Variants in PALLD observed in about 807,000 individuals in gnomAD.
PALLD encodes palladin.
PALLD carries 61 observed loss-of-function variants against 123.5 expected under a neutral mutation model. The observed-to-expected ratio is 0.49, with a 90% confidence interval of 0.40 to 0.61. PALLD has a LOEUF of 0.61. Ranked by LOEUF, PALLD falls within the 20% of genes least tolerant of loss-of-function variation. PALLD has a pLI of 0.00. For missense variants in PALLD, 1,273 were observed against 1,377.0 expected, an observed-to-expected ratio of 0.92 and a Z score of 1.20; for synonymous variants, 465 against 496.4, an observed-to-expected ratio of 0.94 and a Z score of 0.84.
At chr4:168,657,225 A>G (rs1008185821) in intron 2 of PALLD, among the ~76,000 whole-genome samples, 1 of 152,250 alleles carries the variant, frequency 6.6e-6, no homozygotes, top group Non-Finnish European at 1.5e-5. Context: ...TCAGAAATTC[A>G]GTGTATATTG....
At chr4:168,685,432 T>A in intron 5 of PALLD, 53 bp from the exon 6 acceptor site, 1 of 1,192,300 alleles carries the variant, frequency 8.4e-7, no homozygotes, top group South Asian at 1.2e-5. Flanking sequence ...TCAGCCCATC[T>A]TTTAGGCAAT....
chr4:168,910,927 A>G (rs1324370627), intron 15 of PALLD, among the ~76,000 whole-genome samples: 1 of 152,178 alleles, frequency 6.6e-6, no homozygotes, highest in Non-Finnish European at 1.5e-5. Flanking sequence ...TCACATGGAA[A>G]TTCTTGCTGG....
At chr4:168,676,026 G>C (rs1417987774) in intron 3 of PALLD, among the ~76,000 whole-genome samples, 2 of 152,210 alleles carry the variant, frequency 1.3e-5, no homozygotes, top group Non-Finnish European at 2.9e-5. Context: ...CCGCACTCCA[G>C]CTTGGGTGAC....
rs559587495 is a variant in PALLD, at chr4:168,776,617, A to G, written c.1964+64694A>G. On this transcript the variant is annotated intron_variant, in intron 10 of 21. Transcript: ENST00000505667. The stretch of plus-strand genomic sequence containing the variant: ...AGCATGCACCCTTTTACTATTAAGT[A>G]TGATGTTAGCTGTGGTTCTTCAGAG... Among the ~76,000 whole-genome samples the G allele has an allele frequency of 9.7e-4, 148 of 152,322 alleles. 1 individual carries two copies. The highest frequency in any genetic ancestry group is 3.3e-3 in the African/African-American group (137 of 41,586).
chr4:168,551,944 T>A (rs2149541324), intron 2 of PALLD, among the ~76,000 whole-genome samples: 1 of 152,320 alleles, frequency 6.6e-6, no homozygotes, highest in South Asian at 2.1e-4. Flanking sequence ...ACATACCAAG[T>A]CAAATTGGGA....
At chr4:168,553,450 C>T (rs1050003803) in intron 2 of PALLD, among the ~76,000 whole-genome samples, 1 of 152,148 alleles carries the variant, frequency 6.6e-6, no homozygotes, top group East Asian at 1.9e-4. Context: ...AATGTTTAAA[C>T]TAGTAAGTGA....
At chr4:168,686,604 A>G (rs1175540294) in intron 6 of PALLD, 1 of 152,506 alleles carries the variant, frequency 6.6e-6, no homozygotes, top group East Asian at 1.9e-4. Flanking sequence ...TATGAGCCAC[A>G]TTTAAAAATA....
chr4:168,612,402 G>A (rs746254118), intron 2 of PALLD, among the ~76,000 whole-genome samples: 6 of 151,936 alleles, frequency 3.9e-5, no homozygotes, highest in Admixed American at 6.6e-5. Flanking sequence ...TCCCAGAGAC[G>A]TCTCCACAGT....
chr4:168,673,834 G>T (rs1250963396), intron 3 of PALLD, among the ~76,000 whole-genome samples: 2 of 151,974 alleles, frequency 1.3e-5, no homozygotes, highest in Non-Finnish European at 2.9e-5. Flanking sequence ...TGAGGAAGAC[G>T]GAAAAGGAAT....
chr4:168,509,847 T>A (rs1762369162), intron 1 of PALLD, among the ~76,000 whole-genome samples: 1 of 152,244 alleles, frequency 6.6e-6, no homozygotes, highest in African/African-American at 2.4e-5. Flanking sequence ...TACCCTCTGT[T>A]AAACAGCAGG....
chr4:168,539,568 A>AAAATAAAT (rs150961800), intron 2 of PALLD, among the ~76,000 whole-genome samples: 28 of 145,510 alleles, frequency 1.9e-4, no homozygotes, highest in African/African-American at 2.3e-4. Flanking sequence ...TCAAAAAATA[A>AAAATAAAT]AAATAAATAA....
At chr4:168,904,677 A>AG (rs1757246535) in intron 15 of PALLD, among the ~76,000 whole-genome samples, 1 of 152,202 alleles carries the variant, frequency 6.6e-6, no homozygotes, top group Non-Finnish European at 1.5e-5. Flanking sequence ...ACTTTTAAAA[A>AG]GAAAAAAAAA....
chr4:168,673,652 C>T (rs1396242136), intron 3 of PALLD, among the ~76,000 whole-genome samples: 1 of 152,094 alleles, frequency 6.6e-6, no homozygotes, highest in Non-Finnish European at 1.5e-5. Context: ...ATGCGGGTGC[C>T]TCAGGAGGAT....
intron 1 of PALLD, among the ~76,000 whole-genome samples, chr4:168,506,322 G>A (rs1335861733): frequency 6.6e-6 from 1 of 152,026 alleles, no homozygotes; most frequent in Middle Eastern, 3.4e-3. Context: ...TCTCAGTTTG[G>A]GAACTCTCCT....
In PALLD at chr4:168,511,993, C is replaced by A. The variant is rs762499637; in HGVS notation, c.489C>A (p.Gly163=). ...KPKTPHQRKG[G]PQSQLCDKAA... ...AAACGCCACATCAAAGAAAGGGTGG[C>A]CCCCAGAGCCAGCTGTGTGACAAGG... The change falls in exon 2 of 22, where the codon GGC becomes GGA. Residue 163 remains glycine, a synonymous_variant. Transcript: ENST00000505667. 1 of 1,614,196 alleles carries A rather than the reference C, an allele frequency of 6.2e-7. No homozygotes were observed. The highest frequency in any genetic ancestry group is 8.5e-7 in the Non-Finnish European group (1 of 1,180,042).
chr4:168,502,276 T>C (rs1383463770), intron 1 of PALLD, among the ~76,000 whole-genome samples: 1 of 152,228 alleles, frequency 6.6e-6, no homozygotes, highest in Non-Finnish European at 1.5e-5. Flanking sequence ...GTTTACAGAA[T>C]TCTTTGTCTA....
Position 168,880,273 on chromosome 4 carries a change from T to G in PALLD, c.1965-10649T>G, listed in dbSNP as rs79434219. 7.6e-3 allele frequency among the ~76,000 whole-genome samples: 1,158 copies of G among 152,318 alleles called. 8 individuals carry two copies. Among genetic ancestry groups the G allele is most frequent in the Non-Finnish European group, 0.013 (887 of 68,022 alleles). On this transcript the variant is annotated intron_variant, in intron 10 of 21. Coordinates refer to ENST00000505667, the MANE Select transcript of PALLD (RefSeq NM_001166108.2). ...TGGAGTCAAAATAGCTTATAATTGT[T>G]ACCACAAGAGTCCAGTCGTTCCTGC...
At chr4:168,883,442 G>C (rs1416445938) in intron 10 of PALLD, among the ~76,000 whole-genome samples, 1 of 152,182 alleles carries the variant, frequency 6.6e-6, no homozygotes, top group African/African-American at 2.4e-5. Context: ...AATGTGAGAA[G>C]AGTAGAATAA....
intron 10 of PALLD, among the ~76,000 whole-genome samples, chr4:168,787,820 G>C (rs1348260621): frequency 6.6e-6 from 1 of 152,144 alleles, no homozygotes; most frequent in Non-Finnish European, 1.5e-5. Context: ...AAGCTTTTCA[G>C]AATTTCATTA....
Sources: allele counts gnomAD v4.1 joint callset (sites outside exome capture counted in the v4.1 genomes callset), GRCh38; gene constraint gnomAD v4.1.1; transcripts MANE v1.5; gene names NCBI Gene and HGNC (gene_info 2026-07-23, HGNC 2026-07-21).